VEGFD: variants seen among roughly 807,000 people sequenced by gnomAD.
The protein encoded by VEGFD is vascular endothelial growth factor D.
In VEGFD, 26 loss-of-function variants were observed where a neutral mutation model predicts 28.0. The observed-to-expected ratio is 0.93, with a 90% confidence interval of 0.68 to 1.29. VEGFD has a LOEUF of 1.29. Among genes scored for constraint, VEGFD ranks in the 50% most tolerant of loss-of-function variants. VEGFD has a pLI of 0.00. For missense variants in VEGFD, 294 were observed against 273.4 expected (o/e 1.08, Z -0.53); for synonymous variants, 93 against 95.5 (o/e 0.97, Z 0.15).
chrX:15,379,224 A>G (rs1454834334), intron 1 of VEGFD, among the ~76,000 whole-genome samples: 1 of 112,297 alleles, frequency 8.9e-6, no homozygotes, highest in Non-Finnish European at 1.9e-5. Context: ...AAATTCCAAG[A>G]GAATTGAAAC....
At position 15,353,467 on chromosome X, in the gene VEGFD, C is replaced by T. The variant is rs185353971; in HGVS notation, c.642-299G>A. Among the ~76,000 whole-genome samples, 450 of 112,446 alleles carry T rather than the reference C, an allele frequency of 4.0e-3. 3 individuals carry two copies. Among genetic ancestry groups the T allele is most frequent in the African/African-American group, 0.014 (427 of 30,970 alleles). On this transcript the variant is annotated intron_variant, in intron 4 of 6. Transcript: ENST00000297904. The stretch of plus-strand genomic sequence containing the variant: ...AGATTTTAAAGGAGCGGGCCAGGTG[C>T]GGTGGCTCACGCCTGTAATCCCAGC...
chrX:15,360,502 C>A (rs752658569), intron 2 of VEGFD, among the ~76,000 whole-genome samples: 1 of 110,015 alleles, frequency 9.1e-6, no homozygotes, highest in East Asian at 2.9e-4. Context: ...CCATGCCCAG[C>A]TAATTTTTGT....
chrX:15,357,547 C>A (rs1004662223), intron 3 of VEGFD, among the ~76,000 whole-genome samples: 1 of 111,992 alleles, frequency 8.9e-6, no homozygotes, highest in East Asian at 2.8e-4. Context: ...AGGTGCTTCA[C>A]TGTCCCATCC....
intron 3 of VEGFD, among the ~76,000 whole-genome samples, chrX:15,357,349 C>T (rs1051033266): frequency 9.0e-6 from 1 of 111,378 alleles, no homozygotes; most frequent in Non-Finnish European, 1.9e-5. Context: ...ACGCTGCCCT[C>T]CATGGGCTAC....
intron 5 of VEGFD, among the ~76,000 whole-genome samples, chrX:15,350,589 T>C (rs1400881890): frequency 8.9e-6 from 1 of 112,267 alleles, no homozygotes; most frequent in African/African-American, 3.2e-5. Context: ...TCTTTACCCT[T>C]TAATGCCTTG....
intron 5 of VEGFD, among the ~76,000 whole-genome samples, chrX:15,351,276 C>A (rs374483280): frequency 9.6e-6 from 1 of 103,696 alleles, no homozygotes; most frequent in Non-Finnish European, 2.0e-5. Context: ...CCACTACGCC[C>A]GGCTAATTTT....
At position 15,350,735 on chromosome X, in the gene VEGFD, A is replaced by ATCCT. The variant is rs1417224941; in HGVS notation, c.742+2329_742+2332dup. On this transcript the variant is annotated intron_variant, in intron 5 of 6. Transcript: ENST00000297904. ...ACTTTCTTTCTCTTTCTTTCTTTCTATCCTTCCTTCCTTCCTTTCTTTTTC... is the reference window on the plus strand; with the variant it reads ...ACTTTCTTTCTCTTTCTTTCTTTCTATCCTTCCTTCCTTCCTTCCTTTCTTTTTC... 7.9e-5 allele frequency among the ~76,000 whole-genome samples: 6 copies of ATCCT among 76,201 alleles called. No homozygotes were observed. In the East Asian group the frequency reaches 1.8e-3, roughly 23 times the overall value. 66.2% of individuals were successfully genotyped at this position (76,201 alleles called of 115,157 possible).
chrX:15,369,095 T>C (rs1310709303), intron 1 of VEGFD, among the ~76,000 whole-genome samples: 3 of 111,701 alleles, frequency 2.7e-5, no homozygotes, highest in East Asian at 5.6e-4. Flanking sequence ...AGCATCTCCA[T>C]AGCTTCCTAA....
At chrX:15,380,486 A>C (rs1923542724) in intron 1 of VEGFD, among the ~76,000 whole-genome samples, 1 of 112,821 alleles carries the variant, frequency 8.9e-6, no homozygotes, top group South Asian at 3.6e-4. Context: ...AGTGTAATTA[A>C]GAAAGAGGGT....
chrX:15,382,147 T>C (rs968049314), intron 1 of VEGFD, among the ~76,000 whole-genome samples: 6 of 110,458 alleles, frequency 5.4e-5, no homozygotes, highest in South Asian at 7.8e-4. Flanking sequence ...AGTGAAACCC[T>C]GTCTCTACTA....
rs893948761 is a variant in VEGFD, at chrX:15,363,328, A to C, written c.91-9T>G. The C allele has an allele frequency of 2.6e-5, 31 of 1,177,576 alleles. No homozygotes were observed. In the Middle Eastern group the frequency reaches 1.9e-3, roughly 72 times the overall value. Reference sequence around the variant, plus strand: ...GTGGACTGAGATGATCGCTTAAAAAAACAAAAATACCAGTTTAAAAACAAG... The same window carrying C: ...GTGGACTGAGATGATCGCTTAAAAACACAAAAATACCAGTTTAAAAACAAG... On this transcript the variant is annotated splice_polypyrimidine_tract_variant and intron_variant, in intron 1 of 6. Transcript: ENST00000297904.
intron 2 of VEGFD, among the ~76,000 whole-genome samples, chrX:15,361,918 G>C (rs1923023928): frequency 9.0e-6 from 1 of 111,271 alleles, no homozygotes; most frequent in African/African-American, 3.3e-5. Context: ...GCCCAGGTTG[G>C]AGTGCAATGG....
chrX:15,361,931 C>T (rs1923024128), intron 2 of VEGFD, among the ~76,000 whole-genome samples: 2 of 111,069 alleles, frequency 1.8e-5, no homozygotes, highest in Middle Eastern at 4.6e-3. Flanking sequence ...TGCAATGGTG[C>T]AATCTTGGCT....
chrX:15,367,248 G>A (rs775542604), intron 1 of VEGFD, among the ~76,000 whole-genome samples: 4 of 112,305 alleles, frequency 3.6e-5, no homozygotes, highest in Non-Finnish European at 5.6e-5. Flanking sequence ...AGCTCAGTGA[G>A]CTCATACCTG....
At chrX:15,365,993 C>CTTGTTTGTTTGTTTGT in intron 1 of VEGFD, among the ~76,000 whole-genome samples, 1 of 104,348 alleles carries the variant, frequency 9.6e-6, no homozygotes, top group African/African-American at 3.8e-5. Flanking sequence ...TATATTCTTC[C>CTTGTTTGTTTGTTTGT]TAGTTTGTTT....
intron 1 of VEGFD, among the ~76,000 whole-genome samples, chrX:15,375,458 C>T (rs1923415386): frequency 8.9e-6 from 1 of 111,739 alleles, no homozygotes; most frequent in Admixed American, 9.5e-5. Context: ...GTAGCTATGG[C>T]TGCTGTGGCT....
chrX:15,368,844 G>A (rs1010410499), intron 1 of VEGFD, among the ~76,000 whole-genome samples: 6 of 111,871 alleles, frequency 5.4e-5, no homozygotes, highest in African/African-American at 1.6e-4. Flanking sequence ...TTATTACAGC[G>A]GCAGCTTTTT....
chrX:15,365,129 A>G (rs1360456930), intron 1 of VEGFD, among the ~76,000 whole-genome samples: 2 of 111,960 alleles, frequency 1.8e-5, no homozygotes, highest in Non-Finnish European at 3.8e-5. Flanking sequence ...ATGTAAACAA[A>G]GGTTATTCTT....
At chrX:15,354,794 T>C (rs1228828836) in intron 4 of VEGFD, among the ~76,000 whole-genome samples, 7 of 111,736 alleles carry the variant, frequency 6.3e-5, no homozygotes, top group African/African-American at 2.0e-4. Flanking sequence ...GATGTAAATA[T>C]ACAAACAGCC....
Sources: gnomAD v4.1 joint callset for allele counts (sites outside exome capture counted in the v4.1 genomes callset) on GRCh38, gnomAD v4.1.1 for gene constraint, MANE v1.5 for transcripts, NCBI Gene and HGNC (gene_info 2026-07-23, HGNC 2026-07-21) for gene names.